The following PATJ variants were observed in gnomAD, a reference collection of about 807,000 sequenced individuals.
The protein encoded by PATJ is inaD-like protein.
PATJ carries 190 observed loss-of-function variants against 224.9 expected under a neutral mutation model. The ratio of observed to expected loss-of-function variants is 0.84; its 90% CI spans 0.75 to 0.95. The LOEUF (loss-of-function observed/expected upper bound fraction) is 0.95. PATJ is among the 40% of genes least tolerant of loss of function. The pLI is 0.00. For missense variants in PATJ, 2,121 were observed against 2,270.3 expected, an observed-to-expected ratio of 0.93 and a Z score of 1.34; for synonymous variants, 769 against 820.3, an observed-to-expected ratio of 0.94 and a Z score of 1.07.
intron 30 of PATJ, among the ~76,000 whole-genome samples, chr1:62,042,475 A>C (rs1651696722): frequency 6.6e-6 from 1 of 152,174 alleles, no homozygotes; most frequent in Admixed American, 6.5e-5. Context: ...ACTCATATCC[A>C]GCATATGGCT....
chr1:61,845,150 G>A (rs1476403728), intron 17 of PATJ, among the ~76,000 whole-genome samples: 2 of 152,164 alleles, frequency 1.3e-5, no homozygotes, highest in Non-Finnish European at 2.9e-5. Flanking sequence ...TGTACTCTGT[G>A]TCAGGAATTG....
intron 22 of PATJ, among the ~76,000 whole-genome samples, chr1:61,892,718 C>T (rs7545570): frequency 0.22 from 33,804 of 151,942 alleles, 4,196 homozygotes; most frequent in African/African-American, 0.32. Context: ...GAAGGTACAG[C>T]GAGGATACCC....
Position 62,145,557 on chromosome 1 carries a change from G to A in PATJ, c.5272-2727G>A, listed in dbSNP as rs114635051. On this transcript the variant is annotated intron_variant, in intron 41 of 43. Transcript: ENST00000642238. ...ATGCCGGTAGTCCCAGCTACTTGGA[G>A]GATGAGGTGAGGGGATCTCTTGAGC... 8.2e-3 allele frequency among the ~76,000 whole-genome samples: 1,241 copies of A among 152,082 alleles called. 13 individuals are homozygous for A. Among genetic ancestry groups the A allele is most frequent in the African/African-American group, 0.028 (1,156 of 41,496 alleles).
At chr1:61,812,467 T>TGTGTGTGTGTGTGTGTGTGTGA (rs1655074525) in intron 14 of PATJ, among the ~76,000 whole-genome samples, 1 of 137,288 alleles carries the variant, frequency 7.3e-6, no homozygotes, top group Non-Finnish European at 1.6e-5. Context: ...TGTGTGTGTG[T>TGTGTGTGTGTGTGTGTGTGTGA]GGTGGTATTG....
intron 21 of PATJ, 102 bp from the exon 22 acceptor site, chr1:61,884,135 G>A (rs1418241649): frequency 2.8e-6 from 2 of 703,756 alleles, no homozygotes; most frequent in Non-Finnish European, 4.5e-6. Flanking sequence ...TCTCCTACCT[G>A]GAAGAGTCCC....
chr1:61,807,283 T>C (rs1295976788), intron 13 of PATJ, among the ~76,000 whole-genome samples: 1 of 152,152 alleles, frequency 6.6e-6, no homozygotes, highest in African/African-American at 2.4e-5. Context: ...GCTCAAGTGA[T>C]CTCCCACCTC....
chr1:61,886,156 A>T (rs1190955058), intron 22 of PATJ, among the ~76,000 whole-genome samples: 1 of 152,008 alleles, frequency 6.6e-6, no homozygotes, highest in African/African-American at 2.4e-5. Flanking sequence ...GTGCACATGT[A>T]CCCTAAAACT....
chr1:61,861,736 A>G (rs1477375658), intron 19 of PATJ, 69 bp downstream of exon 19: 2 of 659,012 alleles, frequency 3.0e-6, no homozygotes, highest in Admixed American at 3.0e-5. Flanking sequence ...AGAAAGAATA[A>G]AAAGAAAATA....
At chr1:62,003,142 T>A (rs534785017) in intron 28 of PATJ, among the ~76,000 whole-genome samples, 18 of 152,222 alleles carry the variant, frequency 1.2e-4, no homozygotes, top group Non-Finnish European at 1.2e-4. Flanking sequence ...TTTCATTCAT[T>A]TATTCTTTCC....
intron 17 of PATJ, among the ~76,000 whole-genome samples, chr1:61,835,496 T>C (rs1158127144): frequency 5.3e-5 from 8 of 152,144 alleles, no homozygotes; most frequent in African/African-American, 1.9e-4. Context: ...CTCTGCCTCC[T>C]GGGTTCAAGT....
At position 61,795,576 on chromosome 1, in the gene PATJ, G is replaced by T; in HGVS notation, c.1260+18G>T. 6.7e-7 allele frequency: 1 copy of T among 1,496,664 alleles called. No individual in the cohort carries two copies. Among genetic ancestry groups the T allele is most frequent in the Non-Finnish European group, 9.3e-7 (1 of 1,076,136 alleles). 92.7% of individuals were successfully genotyped at this position (1,496,664 alleles called of 1,614,324 possible). A position where few individuals can be genotyped will look rare whatever the true frequency, so the allele number is the denominator to read the frequency against. On this transcript the variant is annotated intron_variant, in intron 10 of 43. Coordinates refer to ENST00000642238, the MANE Select transcript of PATJ (RefSeq NM_001350145.3). ...TAGTTGCTGTAAGTAACTCGCCTCT[G>T]TTTTAGGTTTGATTCTAGTTGAAAA...
At chr1:61,955,669 C>T (rs1680340630) in intron 27 of PATJ, among the ~76,000 whole-genome samples, 2 of 152,250 alleles carry the variant, frequency 1.3e-5, no homozygotes, top group South Asian at 2.1e-4. Context: ...TTTTTGAATA[C>T]TTAGGTTCTA....
At chr1:62,154,243 T>A (rs557658178) in intron 43 of PATJ, among the ~76,000 whole-genome samples, 31 of 152,278 alleles carry the variant, frequency 2.0e-4, no homozygotes, top group African/African-American at 7.2e-4. Context: ...GGAATTTAAT[T>A]TTTTATAAAT....
chr1:61,884,510 A>G, intron 22 of PATJ, 102 bp downstream of exon 22: 1 of 754,236 alleles, frequency 1.3e-6, no homozygotes, highest in Non-Finnish European at 2.0e-6. Flanking sequence ...AACGTTTGGA[A>G]AATACAGAAA....
chr1:61,759,872 A>AT (rs1405454965), intron 1 of PATJ, among the ~76,000 whole-genome samples: 2 of 152,224 alleles, frequency 1.3e-5, no homozygotes, highest in African/African-American at 4.8e-5. Flanking sequence ...GTCAGTATAC[A>AT]TTGTGTAAAT....
chr1:61,980,429 T>C (rs1644386219), intron 27 of PATJ, among the ~76,000 whole-genome samples: 1 of 149,324 alleles, frequency 6.7e-6, no homozygotes, highest in Non-Finnish European at 1.5e-5. Context: ...AGCTAGTACT[T>C]ATATAATTTG....
intron 31 of PATJ, chr1:62,054,191 TAA>T (rs1006905062): frequency 2.8e-3 from 487 of 171,482 alleles, no homozygotes; most frequent in South Asian, 8.3e-3. Flanking sequence ...CATTTTTATT[TAA>T]AAAAAAAAAA....
chr1:62,125,250 A>AC (rs1332267885), intron 39 of PATJ, among the ~76,000 whole-genome samples: 10 of 103,692 alleles, frequency 9.6e-5, no homozygotes, highest in Admixed American at 2.3e-4. Context: ...AAAAAAAAAA[A>AC]AAACAAAAAA....
At position 62,116,578 on chromosome 1, in the gene PATJ, G is replaced by A. The variant is rs775754273; in HGVS notation, c.4702G>A (p.Ala1568Thr). The change falls in exon 36 of 44, where the codon GCA becomes ACA. Residue 1568 changes from alanine to threonine, a missense_variant. Transcript: ENST00000642238. ...TTCTGACATCGTGAAAGGCGGAGCC[G>A]CAGACCTGGATGGGAGATTGATTCA... is the stretch of plus-strand genomic sequence containing the variant. ...FISDIVKGGA[A>T]DLDGRLIQGD... The A allele has an allele frequency of 4.8e-5, 77 of 1,613,874 alleles. No homozygotes were observed. The highest frequency in any genetic ancestry group is 4.4e-4 in the South Asian group (40 of 91,052).
Sources: allele counts gnomAD v4.1 joint callset (sites outside exome capture counted in the v4.1 genomes callset), GRCh38; gene constraint gnomAD v4.1.1; transcripts MANE v1.5; gene names NCBI Gene and HGNC (gene_info 2026-07-23, HGNC 2026-07-21).